The following BMPER variants were observed in gnomAD, a reference collection of about 807,000 sequenced individuals.
The protein encoded by BMPER is BMP-binding endothelial regulator protein.
In BMPER, 45 loss-of-function variants were observed where a neutral mutation model predicts 87.3. The observed-to-expected ratio is 0.52, with a 90% CI of 0.41 to 0.66. The LOEUF (loss-of-function observed/expected upper bound fraction) is 0.66, where lower values mean the gene tolerates loss of function less well. Ranked by LOEUF, BMPER falls within the 30% of genes least tolerant of loss-of-function variation. BMPER has a pLI of 0.00. For missense variants in BMPER, 784 were observed against 867.5 expected, an observed-to-expected ratio of 0.90 and a Z score of 1.21; for synonymous variants, 326 against 316.2, an observed-to-expected ratio of 1.03 and a Z score of -0.33.
At chr7:34,068,340 T>G (rs1209349992) in intron 11 of BMPER, among the ~76,000 whole-genome samples, 1 of 152,248 alleles carries the variant, frequency 6.6e-6, no homozygotes, top group Admixed American at 6.5e-5. Flanking sequence ...TACAGTTTGA[T>G]AACCAGTTGA....
In BMPER at chr7:34,045,629, T is replaced by G. The variant is rs542760820; in HGVS notation, c.577-677T>G. 1.2e-3 allele frequency among the ~76,000 whole-genome samples: 183 copies of G among 152,316 alleles called. 1 individual carries two copies. Among genetic ancestry groups the G allele is most frequent in the Middle Eastern group, 0.01 (3 of 294 alleles). ...TCAATCTTTATAATCTTATAATTAA[T>G]TAGTGAAAACAGATTTGGATAGCGT... On this transcript the variant is annotated intron_variant, in intron 6 of 14. Coordinates refer to ENST00000649409, the MANE Select transcript of BMPER (RefSeq NM_001365308.1).
chr7:34,124,192 CT>C (rs1477323462), intron 13 of BMPER, among the ~76,000 whole-genome samples: 1 of 152,174 alleles, frequency 6.6e-6, no homozygotes, highest in Non-Finnish European at 1.5e-5. Context: ...GCTCGCTCTC[CT>C]CTTTTAGGTA....
At chr7:34,087,919 T>C (rs944822054) in intron 13 of BMPER, among the ~76,000 whole-genome samples, 1 of 152,240 alleles carries the variant, frequency 6.6e-6, no homozygotes, top group African/African-American at 2.4e-5. Context: ...TTTAGTGTTA[T>C]GATTTCTGGA....
At chr7:34,034,387 A>G (rs184278962) in intron 6 of BMPER, among the ~76,000 whole-genome samples, 15 of 152,284 alleles carry the variant, frequency 9.9e-5, no homozygotes, top group Admixed American at 9.2e-4. Flanking sequence ...GGAGTTCATG[A>G]TAGAGGAAAT....
intron 8 of BMPER, 129 bp from the exon 9 acceptor site, chr7:34,055,034 A>T: frequency 7.6e-7 from 1 of 1,313,588 alleles, no homozygotes; most frequent in East Asian, 2.3e-5. Context: ...GATTTATTGC[A>T]ATAAATTAAA....
At chr7:34,063,189 A>G (rs1198974258) in intron 11 of BMPER, among the ~76,000 whole-genome samples, 1 of 152,222 alleles carries the variant, frequency 6.6e-6, no homozygotes, top group Non-Finnish European at 1.5e-5. Flanking sequence ...CATAAAGTCT[A>G]TCAGTGTGTT....
chr7:34,077,141 T>C (rs1289712730), intron 11 of BMPER, among the ~76,000 whole-genome samples: 1 of 152,140 alleles, frequency 6.6e-6, no homozygotes, highest in Non-Finnish European at 1.5e-5. Context: ...AGCAACATTT[T>C]CATGGCCAGG....
At chr7:33,965,610 T>C (rs1433395605) in intron 3 of BMPER, among the ~76,000 whole-genome samples, 1 of 152,252 alleles carries the variant, frequency 6.6e-6, no homozygotes, top group African/African-American at 2.4e-5. Flanking sequence ...GACTATGTAT[T>C]GGTAAATCTC....
At chr7:34,131,064 A>G (rs10238057) in intron 13 of BMPER, among the ~76,000 whole-genome samples, 124,913 of 152,002 alleles carry the variant, frequency 0.82, 51,540 homozygotes, top group East Asian at 0.95. Context: ...TCCAACTCTC[A>G]GGGGCTCATC....
At chr7:34,097,443 C>T (rs1308395326) in intron 13 of BMPER, among the ~76,000 whole-genome samples, 1 of 152,310 alleles carries the variant, frequency 6.6e-6, no homozygotes, top group East Asian at 1.9e-4. Flanking sequence ...TAACTATGGG[C>T]AGGTTATACT....
intron 6 of BMPER, among the ~76,000 whole-genome samples, chr7:34,034,270 T>C (rs1787604427): frequency 6.6e-6 from 1 of 152,192 alleles, no homozygotes; most frequent in Admixed American, 6.5e-5. Flanking sequence ...CATGAATCAA[T>C]TTGTCAGAGA....
chr7:33,943,227 T>C (rs1314323235), intron 3 of BMPER, among the ~76,000 whole-genome samples: 3 of 152,232 alleles, frequency 2.0e-5, no homozygotes, highest in Non-Finnish European at 4.4e-5. Context: ...TTTCAGTTTA[T>C]TACATGTATA....
rs73316423 is a variant in BMPER, at chr7:34,091,818, G to T, written c.1745+5726G>T. On this transcript the variant is annotated intron_variant, in intron 13 of 14. Coordinates refer to ENST00000649409, the MANE Select transcript of BMPER (RefSeq NM_001365308.1). The stretch of plus-strand genomic sequence containing the variant: ...AGGCATGAATTAAGCTGAAGACACA[G>T]CTCCAGTTTCATCCTAGACTTTGGA... 4.4e-3 allele frequency among the ~76,000 whole-genome samples: 675 copies of T among 152,284 alleles called. 4 individuals are homozygous for T. The highest frequency in any genetic ancestry group is 0.016 in the African/African-American group (647 of 41,544).
At chr7:34,050,211 T>C (rs7806522) in intron 7 of BMPER, among the ~76,000 whole-genome samples, 55,183 of 152,038 alleles carry the variant, frequency 0.36, 10,957 homozygotes, top group African/African-American at 0.54. Context: ...TCATGCCTAG[T>C]CATGAAAGAG....
chr7:34,136,874 A>G (rs1790734359), intron 13 of BMPER, among the ~76,000 whole-genome samples: 1 of 152,188 alleles, frequency 6.6e-6, no homozygotes, highest in Admixed American at 6.5e-5. Flanking sequence ...CTGTTCTCCA[A>G]GAAGCAGTGT....
chr7:34,151,177 G>A (rs978993920), intron 14 of BMPER, among the ~76,000 whole-genome samples: 3 of 152,202 alleles, frequency 2.0e-5, no homozygotes, highest in African/African-American at 4.8e-5. Flanking sequence ...AGGGTAAAGA[G>A]GGGGTAGAGG....
At chr7:33,927,752 G>A (rs1003841833) in intron 2 of BMPER, among the ~76,000 whole-genome samples, 4 of 152,098 alleles carry the variant, frequency 2.6e-5, no homozygotes, top group African/African-American at 7.2e-5. Context: ...CCCAGGACTG[G>A]AAAGCCCCAA....
In BMPER at chr7:34,078,932, C is replaced by T. The variant is rs560058928; in HGVS notation, c.1154C>T (p.Thr385Met). ...GGTCGGACATTTAACTTTCAGGGGA[C>T]GTGTCAGTACGTTTTGACAAAAGAC... ...FDGRTFNFQG[T>M]CQYVLTKDCS... The change falls in exon 12 of 15, where the codon ACG (threonine) becomes ATG (methionine). Residue 385 changes from threonine (T) to methionine (M), a missense_variant. Physicochemically the swap from Thr to Met is moderately conservative, Grantham distance 81. Coordinates refer to ENST00000649409, the MANE Select transcript of BMPER (RefSeq NM_001365308.1). 5.0e-6 allele frequency: 8 copies of T among 1,614,180 alleles called. No individual in the cohort carries two copies. The highest frequency in any genetic ancestry group is 4.2e-6 in the Non-Finnish European group (5 of 1,180,040).
At chr7:34,147,464 G>GTT (rs201125904) in intron 14 of BMPER, among the ~76,000 whole-genome samples, 1 of 151,842 alleles carries the variant, frequency 6.6e-6, no homozygotes, top group African/African-American at 2.4e-5. Context: ...GCAGATCCCT[G>GTT]TTTTTTTTGT....
Sources: allele counts gnomAD v4.1 joint callset (sites outside exome capture counted in the v4.1 genomes callset), GRCh38; gene constraint gnomAD v4.1.1; transcripts MANE v1.5; gene names NCBI Gene and HGNC (gene_info 2026-07-23, HGNC 2026-07-21).